Variants in PTGES observed in about 807,000 individuals in gnomAD.
PTGES encodes MGST1-like 1.
PTGES carries 3 observed loss-of-function variants against 11.8 expected under a neutral mutation model. The ratio of observed to expected loss-of-function variants is 0.25; its 90% CI spans 0.12 to 0.66. The LOEUF is 0.66. PTGES is among the 30% of genes least tolerant of loss of function. The pLI is 0.82. For synonymous variants in PTGES, 94 were observed against 90.4 expected, an observed-to-expected ratio of 1.04 and a Z score of -0.22; for missense variants, 180 against 213.0, an observed-to-expected ratio of 0.85 and a Z score of 0.96.
intron 2 of PTGES, among the ~76,000 whole-genome samples, chr9:129,747,511 T>G (rs1833059454): frequency 6.6e-6 from 1 of 152,164 alleles, no homozygotes; most frequent in Non-Finnish European, 1.5e-5. Flanking sequence ...TCAACTTCAC[T>G]AAGAATAAAG....
intron 2 of PTGES, among the ~76,000 whole-genome samples, chr9:129,741,619 CA>C (rs1832995564): frequency 6.6e-6 from 1 of 152,188 alleles, no homozygotes; most frequent in Non-Finnish European, 1.5e-5. Flanking sequence ...TCAGGGAAGA[CA>C]TAAGAGGGAG....
At chr9:129,752,462 A>G (rs917113822) in intron 1 of PTGES, among the ~76,000 whole-genome samples, 1 of 152,208 alleles carries the variant, frequency 6.6e-6, no homozygotes, top group East Asian at 1.9e-4. Context: ...GACATTTGCC[A>G]GGAGTTGGGA....
intron 2 of PTGES, among the ~76,000 whole-genome samples, chr9:129,743,012 C>G (rs1012553922): frequency 6.6e-6 from 1 of 152,192 alleles, no homozygotes. Flanking sequence ...AGGAACAAGA[C>G]GGGAAGTTCA....
chr9:129,752,301 G>C (rs1833120125), intron 1 of PTGES, among the ~76,000 whole-genome samples: 1 of 152,238 alleles, frequency 6.6e-6, no homozygotes. Context: ...CAGTGTGACG[G>C]ACGCTACTGG....
chr9:129,751,938 C>T (rs367797780), intron 1 of PTGES, among the ~76,000 whole-genome samples: 2 of 152,216 alleles, frequency 1.3e-5, no homozygotes, highest in Non-Finnish European at 2.9e-5. Context: ...TCCCATATCC[C>T]AGGACCAGCC....
chr9:129,749,132 C>T (rs1332234252), intron 1 of PTGES, among the ~76,000 whole-genome samples: 1 of 152,222 alleles, frequency 6.6e-6, no homozygotes, highest in Non-Finnish European at 1.5e-5. Context: ...TGGCTCACAC[C>T]AGTAATCCCA....
At chr9:129,746,434 T>C (rs1020800865) in intron 2 of PTGES, among the ~76,000 whole-genome samples, 5 of 152,112 alleles carry the variant, frequency 3.3e-5, no homozygotes, top group African/African-American at 9.7e-5. Flanking sequence ...TGGGATGTAG[T>C]AAGGGCTCAT....
rs1465583418 is a variant in PTGES at position 129,745,754 on chromosome 9, G to A, written c.209+2901C>T. 2.0e-5 allele frequency among the ~76,000 whole-genome samples: 3 copies of A among 152,186 alleles called. No individual in the cohort carries two copies. The highest frequency in any genetic ancestry group is 2.9e-5 in the Non-Finnish European group (2 of 68,038). On this transcript the variant is annotated intron_variant, in intron 2 of 2. Coordinates refer to ENST00000340607, the MANE Select transcript of PTGES (RefSeq NM_004878.5). This position sits in a 1 kb window ranked among gnomAD's most constrained non-coding sequence, Gnocchi z 4.2. ...TAGATGAGGGGTTATTTTGGGCTGG[G>A]CGCAATGGCTCACGCCTGTAATCCC...
At chr9:129,742,490 T>C (rs1254894370) in intron 2 of PTGES, among the ~76,000 whole-genome samples, 1 of 152,146 alleles carries the variant, frequency 6.6e-6, no homozygotes, top group Non-Finnish European at 1.5e-5. Context: ...CTGTCACAAG[T>C]GATTCACAAG....
At chr9:129,741,674 G>A (rs45500196) in intron 2 of PTGES, among the ~76,000 whole-genome samples, 10,943 of 152,204 alleles carry the variant, frequency 0.072, 469 homozygotes, top group East Asian at 0.19. Flanking sequence ...GGGAGGCCAA[G>A]GCGGGCGGAT....
rs1284042159 is a variant in PTGES at position 129,738,975 on chromosome 9, A to G, written c.*636T>C. Reference sequence around the variant, plus strand: ...CATGGTGAACCCGTCTCTACTAAAAATACAAAAATTAGCTGGGTATGGTGA... The same window carrying G: ...CATGGTGAACCCGTCTCTACTAAAAGTACAAAAATTAGCTGGGTATGGTGA... On this transcript the variant is annotated 3_prime_UTR_variant, in exon 3 of 3. Coordinates refer to ENST00000340607, the MANE Select transcript of PTGES (RefSeq NM_004878.5). The surrounding 1 kb of genome is among the most constrained non-coding windows in gnomAD (Gnocchi z 4.2). 2.0e-5 allele frequency: 3 copies of G among 152,570 alleles called. No individual in the cohort carries two copies. The highest frequency in any genetic ancestry group is 7.2e-5 in the African/African-American group (3 of 41,440). 9.5% of individuals were successfully genotyped at this position (152,570 alleles called of 1,614,324 possible).
At chr9:129,743,958 C>T (rs962892799) in intron 2 of PTGES, among the ~76,000 whole-genome samples, 7 of 152,154 alleles carry the variant, frequency 4.6e-5, no homozygotes, top group East Asian at 1.9e-4. Context: ...AAGTGATTTT[C>T]GTGCTTCAGC....
In PTGES at chr9:129,739,437, C is replaced by CAT. The variant is rs1832970776; in HGVS notation, c.*173_*174insAT. The CAT allele has an allele frequency of 8.2e-6, 7 of 851,878 alleles. No homozygotes were observed. The highest frequency in any genetic ancestry group is 5.4e-5 in the South Asian group (3 of 55,450). The allele number at this position is 851,878 out of a possible 1,614,324, so 52.8% of individuals were successfully genotyped here. On this transcript the variant is annotated 3_prime_UTR_variant, in exon 3 of 3. Coordinates refer to ENST00000340607, the MANE Select transcript of PTGES (RefSeq NM_004878.5). This position sits in a 1 kb window ranked among gnomAD's most constrained non-coding sequence, Gnocchi z 5.7. ...TAAGAAACATACACACACACATACA[C>CAT]ACACACGGGCACACACACAGGCCCA...
Position 129,739,588 on chromosome 9 carries a change from G to T in PTGES, c.*23C>A. On this transcript the variant is annotated 3_prime_UTR_variant, in exon 3 of 3. Coordinates refer to ENST00000340607, the MANE Select transcript of PTGES (RefSeq NM_004878.5). This position sits in a 1 kb window ranked among gnomAD's most constrained non-coding sequence, Gnocchi z 5.7. ...GCGGCTCTTGGCCCATGGTCTGGTG[G>T]CCAAGGAGGCATCAGCTGCTGGTCA... The T allele has an allele frequency of 6.5e-7, 1 of 1,545,740 alleles. No homozygotes were observed. The highest frequency in any genetic ancestry group is 8.7e-7 in the Non-Finnish European group (1 of 1,144,372).
In PTGES at chr9:129,748,642, C is replaced by A; in HGVS notation, c.209+13G>T. On this transcript the variant is annotated intron_variant, in intron 2 of 2. Coordinates refer to ENST00000340607, the MANE Select transcript of PTGES (RefSeq NM_004878.5). ...GGCCAGGTGTGGCCAGGCCAGGGGC[C>A]CGAAGTACTTGCCTGAGGCAGCGTT... The A allele has an allele frequency of 1.3e-6, 2 of 1,563,896 alleles. No individual in the cohort carries two copies. Among genetic ancestry groups the A allele is most frequent in the East Asian group, 2.5e-5 (1 of 40,500 alleles).
intron 2 of PTGES, among the ~76,000 whole-genome samples, chr9:129,741,644 G>A (rs1212810163): frequency 7.9e-5 from 12 of 152,190 alleles, no homozygotes; most frequent in Non-Finnish European, 2.9e-5. Flanking sequence ...ACAGACTCAC[G>A]CCTGTAATCC....
chr9:129,741,703 C>T lies in PTGES; in HGVS notation c.210-1843G>A, dbSNP rs185601100. On this transcript the variant is annotated intron_variant, in intron 2 of 2. Coordinates refer to ENST00000340607, the MANE Select transcript of PTGES (RefSeq NM_004878.5). ...GGCGGATTACCTGAGGTCAGGAGTT[C>T]GAGACCAGCCTGGCCAACATGGTGA... Among the ~76,000 whole-genome samples the T allele has an allele frequency of 8.1e-3, 1,238 of 151,904 alleles. 12 individuals are homozygous for T. The highest frequency in any genetic ancestry group is 0.048 in the Middle Eastern group (14 of 292).
chr9:129,739,399 G>T lies in PTGES; in HGVS notation c.*212C>A. The T allele has an allele frequency of 1.6e-6, 1 of 633,334 alleles. No homozygotes were observed. The highest frequency in any genetic ancestry group is 2.6e-6 in the Non-Finnish European group (1 of 379,982). The allele number at this position is 633,334 out of a possible 1,614,324, so 39.2% of individuals were successfully genotyped here. A position where few individuals can be genotyped will look rare whatever the true frequency, so the allele number is the denominator to read the frequency against. Reference sequence around the variant, plus strand: ...GGTTCCCATCAGCCACTTCGTGCAGGAATCCAAGGGGCTAAGAAACATACA... The same window carrying T: ...GGTTCCCATCAGCCACTTCGTGCAGTAATCCAAGGGGCTAAGAAACATACA... On this transcript the variant is annotated 3_prime_UTR_variant, in exon 3 of 3. Coordinates refer to ENST00000340607, the MANE Select transcript of PTGES (RefSeq NM_004878.5). This position sits in a 1 kb window ranked among gnomAD's most constrained non-coding sequence, Gnocchi z 5.7.
At position 129,739,534 on chromosome 9, in the gene PTGES, G is replaced by A; in HGVS notation, c.*77C>T. 1.3e-6 allele frequency: 2 copies of A among 1,487,546 alleles called. No individual in the cohort carries two copies. The highest frequency in any genetic ancestry group is 2.2e-5 in the Admixed American group (1 of 44,802). The allele number at this position is 1,487,546 out of a possible 1,614,324, so 92.1% of individuals were successfully genotyped here. ...ACTCAGGGCCCACCACAATCTGGAA[G>A]GAACATCAAGTCCCCAGGTATAGCC... On this transcript the variant is annotated 3_prime_UTR_variant, in exon 3 of 3. Coordinates refer to ENST00000340607, the MANE Select transcript of PTGES (RefSeq NM_004878.5). This position sits in a 1 kb window ranked among gnomAD's most constrained non-coding sequence, Gnocchi z 5.7.
Sources: allele counts gnomAD v4.1 joint callset (sites outside exome capture counted in the v4.1 genomes callset), GRCh38; gene constraint gnomAD v4.1.1; non-coding constraint Gnocchi (gnomAD v3.1); transcripts MANE v1.5; gene names NCBI Gene and HGNC (gene_info 2026-07-23, HGNC 2026-07-21).